The following SLX9 variants were observed in gnomAD, a reference collection of about 807,000 sequenced individuals.
SLX9 encodes ribosome biogenesis protein SLX9 homolog.
A neutral mutation model predicts 20.8 loss-of-function variants in SLX9; 19 were observed. The observed-to-expected ratio is 0.91, with a 90% confidence interval of 0.64 to 1.34. The LOEUF (loss-of-function observed/expected upper bound fraction) is 1.34, where lower values mean the gene tolerates loss of function less well. SLX9 is among the 40% of genes most tolerant of loss of function. SLX9 has a pLI of 0.00. For missense variants in SLX9, 299 were observed against 322.2 expected, an observed-to-expected ratio of 0.93 and a Z score of 0.55; for synonymous variants, 113 against 137.1, an observed-to-expected ratio of 0.82 and a Z score of 1.23.
At chr21:44,973,125 C>A in intron 4 of SLX9, 72 bp from the exon 5 acceptor site, 1 of 1,557,016 alleles carries the variant, frequency 6.4e-7, no homozygotes, top group Admixed American at 1.7e-5. Flanking sequence ...AAGGGAGGAG[C>A]CAGCCTCTGC....
In SLX9 at chr21:44,940,152, A is replaced by C. The variant is rs926855539; in HGVS notation, c.95A>C (p.Glu32Ala). 2 of 1,300,956 alleles carry C rather than the reference A, an allele frequency of 1.5e-6. No individual in the cohort carries two copies. The highest frequency in any genetic ancestry group is 3.1e-5 in the African/African-American group (2 of 64,406). The allele number at this position is 1,300,956 out of a possible 1,614,324, so 80.6% of individuals were successfully genotyped here. A position where few individuals can be genotyped will look rare whatever the true frequency, so the allele number is the denominator to read the frequency against. The change falls in exon 1 of 6, where the codon GAG becomes GCG. Residue 32 changes from glutamate (E) to alanine (A), a missense_variant. Coordinates refer to ENST00000291634, the MANE Select transcript of SLX9 (RefSeq NM_058190.4). ...CCCGGCCCCGCGCCCCCTGCCCCGG[A>C]GGCGACCCCTCCGCCGGCCTCGGCC... Reference protein sequence around the residue: ...AAPGPAPPAPEATPPPASAAG... With the variant: ...AAPGPAPPAPAATPPPASAAG...
At position 44,942,916 on chromosome 21, in the gene SLX9, T is replaced by C. The variant is rs1568926672; in HGVS notation, c.130-768T>C. ...GGAGGGCATCTTCCATATGGGGGTT[T>C]TATCTCCTTTCAGGAAAAACAGGGA... On this transcript the variant is annotated intron_variant, in intron 1 of 5. Transcript: ENST00000291634. 2.6e-5 allele frequency among the ~76,000 whole-genome samples: 4 copies of C among 152,178 alleles called. No individual in the cohort carries two copies. In the South Asian group the frequency reaches 8.3e-4, roughly 32 times the overall value.
chr21:44,965,942 G>C (rs768718121), intron 3 of SLX9, among the ~76,000 whole-genome samples: 7 of 152,142 alleles, frequency 4.6e-5, no homozygotes, highest in Non-Finnish European at 7.4e-5. Context: ...TGGAGTAAGC[G>C]CTGGATTCTT....
Position 44,940,110 on chromosome 21 carries a change from C to A in SLX9, c.53C>A (p.Pro18Gln). Residue 18 changes from proline to glutamine, a missense_variant, in exon 1 of 6, where the codon CCG (proline) becomes CAG (glutamine). Transcript: ENST00000291634. Reference sequence around the variant, plus strand: ...CGAGTGCACCAGGCTGCCGTGAGGCCGAAAGGGGAGGCCGCCCCCGGCCCC... The same window carrying A: ...CGAGTGCACCAGGCTGCCGTGAGGCAGAAAGGGGAGGCCGCCCCCGGCCCC... ...RARVHQAAVR[P>Q]KGEAAPGPAP... is the part of the protein sequence containing the mutation. The A allele has an allele frequency of 7.1e-7, 1 of 1,405,456 alleles. No homozygotes were observed. The highest frequency in any genetic ancestry group is 9.3e-7 in the Non-Finnish European group (1 of 1,072,578). The allele number at this position is 1,405,456 out of a possible 1,614,324, so 87.1% of individuals were successfully genotyped here. A position where few individuals can be genotyped will look rare whatever the true frequency, so the allele number is the denominator to read the frequency against.
chr21:44,968,234 T>C (rs1257657075), intron 4 of SLX9, among the ~76,000 whole-genome samples: 1 of 145,112 alleles, frequency 6.9e-6, no homozygotes, highest in Admixed American at 6.8e-5. Flanking sequence ...GACACAACCC[T>C]GCCACCCGGT....
chr21:44,973,037 C>A, intron 4 of SLX9, 160 bp from the exon 5 acceptor site: 2 of 225,520 alleles, frequency 8.9e-6, no homozygotes, highest in Non-Finnish European at 6.2e-6. Context: ...GTCTCGCCTC[C>A]ATGGCCACAG....
In SLX9 at chr21:44,943,686, C is replaced by A. The variant is rs535219131; in HGVS notation, c.132C>A (p.Asp44Glu). Residue 44 changes from aspartate (D) to glutamate (E), a missense_variant and splice_region_variant, in exon 2 of 6, where the codon GAC becomes GAA. Coordinates refer to ENST00000291634, the MANE Select transcript of SLX9 (RefSeq NM_058190.4). Reference protein sequence around the residue: ...TPPPASAAGKDWAFINTNIFA... With the variant: ...TPPPASAAGKEWAFINTNIFA... ...TCCGTTTTTGTTGGGGACATTAGGACTGGGCGTTCATCAACACCAACATCT... is the reference window on the plus strand; with the variant it reads ...TCCGTTTTTGTTGGGGACATTAGGAATGGGCGTTCATCAACACCAACATCT... The A allele has an allele frequency of 3.1e-6, 5 of 1,613,928 alleles. No individual in the cohort carries two copies. The Admixed American group carries it at 6.7e-5, about 22-fold the overall frequency.
rs944666836 is a variant in SLX9, at chr21:44,976,818, A to G, written c.*15A>G. On this transcript the variant is annotated 3_prime_UTR_variant, in exon 6 of 6. Transcript: ENST00000291634. ...GCCAGCTCTGACCAGGGCAGCGGGC[A>G]TGCCACAACTCCTCAGGACACATGT... 4.5e-6 allele frequency: 7 copies of G among 1,541,446 alleles called. No homozygotes were observed. The East Asian group carries it at 7.3e-5, about 16-fold the overall frequency.
Position 44,957,087 on chromosome 21 carries a change from G to A in SLX9, c.284-3013G>A, listed in dbSNP as rs1167070166. On this transcript the variant is annotated intron_variant, in intron 2 of 5. Transcript: ENST00000291634. Reference sequence around the variant, plus strand: ...GGGTTTTTAGGCAGCCTGTACCTGCGTGCACCCATCCCTCTCTCTGTGCGG... The same window carrying A: ...GGGTTTTTAGGCAGCCTGTACCTGCATGCACCCATCCCTCTCTCTGTGCGG... Among the ~76,000 whole-genome samples the A allele has an allele frequency of 5.9e-5, 9 of 152,336 alleles. No individual in the cohort carries two copies. The South Asian group carries it at 1.2e-3, about 21-fold the overall frequency.
chr21:44,973,035 T>C, intron 4 of SLX9, 162 bp from the exon 5 acceptor site: 1 of 201,206 alleles, frequency 5.0e-6, no homozygotes, highest in South Asian at 9.2e-5. Context: ...AGGTCTCGCC[T>C]CCATGGCCAC....
intron 2 of SLX9, among the ~76,000 whole-genome samples, chr21:44,948,466 C>G (rs956341244): frequency 1.3e-5 from 2 of 152,200 alleles, no homozygotes; most frequent in Non-Finnish European, 2.9e-5. Context: ...AATTGGATTT[C>G]TAGTTCTGTG....
chr21:44,952,850 G>A (rs919274436), intron 2 of SLX9, among the ~76,000 whole-genome samples: 3 of 152,258 alleles, frequency 2.0e-5, no homozygotes, highest in Non-Finnish European at 4.4e-5. Context: ...GGTTGGTGGG[G>A]CCTGGCTGGC....
At chr21:44,943,544 T>A in intron 1 of SLX9, 140 bp from the exon 2 acceptor site, 1 of 1,181,354 alleles carries the variant, frequency 8.5e-7, no homozygotes, top group South Asian at 1.5e-5. Context: ...GAGGGTTGTT[T>A]CCCCCAGGTC....
intron 5 of SLX9, among the ~76,000 whole-genome samples, chr21:44,974,091 C>T (rs182558725): frequency 4.6e-5 from 7 of 152,346 alleles, no homozygotes; most frequent in Middle Eastern, 3.4e-3. Context: ...CTCCAGACCA[C>T]GCACGCTCTC....
rs577982443 is a variant in SLX9, at chr21:44,972,167, C to G, written c.501-1030C>G. ...GGACTCTGCGTCTCTGCCTTCCCGC[C>G]GTCGTCTGGGTCCCATCTCACTGTG... On this transcript the variant is annotated intron_variant, in intron 4 of 5. Coordinates refer to ENST00000291634, the MANE Select transcript of SLX9 (RefSeq NM_058190.4). Among the ~76,000 whole-genome samples, 9 of 152,324 alleles carry G rather than the reference C, an allele frequency of 5.9e-5. No homozygotes were observed. The South Asian group carries it at 1.2e-3, about 21-fold the overall frequency.
chr21:44,939,980 C>A, upstream of SLX9: 1 of 1,345,750 alleles, frequency 7.4e-7, no homozygotes. Flanking sequence ...GCCGCGGCTC[C>A]TGTTTCCGCC....
At chr21:44,942,681 C>T (rs1000778253) in intron 1 of SLX9, among the ~76,000 whole-genome samples, 2 of 152,108 alleles carry the variant, frequency 1.3e-5, no homozygotes. Flanking sequence ...GACATGGGAG[C>T]CTTATAAGGA....
chr21:44,973,132 C>T (rs1369685536), intron 4 of SLX9, 65 bp from the exon 5 acceptor site: 5 of 1,584,128 alleles, frequency 3.2e-6, no homozygotes, highest in African/African-American at 1.3e-5. Context: ...GAGCCAGCCT[C>T]TGCCCACGGG....
chr21:44,973,061 T>C, intron 4 of SLX9, 136 bp from the exon 5 acceptor site: 1 of 910,310 alleles, frequency 1.1e-6, no homozygotes, highest in Non-Finnish European at 1.7e-6. Flanking sequence ...AGCTTGGAAC[T>C]TGTGGTTCTG....
Sources: gnomAD v4.1 joint callset for allele counts (sites outside exome capture counted in the v4.1 genomes callset) on GRCh38, gnomAD v4.1.1 for gene constraint, MANE v1.5 for transcripts, NCBI Gene and HGNC (gene_info 2026-07-23, HGNC 2026-07-21) for gene names.